Variants in RGS6 observed in about 807,000 individuals in gnomAD.
RGS6 encodes regulator of G protein signaling 6.
A neutral mutation model predicts 78.5 loss-of-function variants in RGS6; 30 were observed. That is an observed-to-expected ratio of 0.38 (90% CI 0.29 to 0.52). The LOEUF is 0.52. Ranked by LOEUF, RGS6 falls within the 20% of genes least tolerant of loss-of-function variation. RGS6 has a pLI of 0.85. For missense variants in RGS6, 495 were observed against 609.7 expected (o/e 0.81, Z 1.98); for synonymous variants, 206 against 206.0 (o/e 1.00, Z 0.00).
chr14:72,005,099 A>G (rs1051017440), intron 2 of RGS6, among the ~76,000 whole-genome samples: 2 of 152,238 alleles, frequency 1.3e-5, no homozygotes, highest in African/African-American at 4.8e-5. Context: ...AGAAGCACAA[A>G]TGGTCATTAA....
intron 2 of RGS6, among the ~76,000 whole-genome samples, chr14:72,335,017 TG>T (rs537942123): frequency 0.016 from 2,433 of 152,156 alleles, 26 homozygotes; most frequent in Non-Finnish European, 0.026. Flanking sequence ...AATTGAATCA[TG>T]GGGGGGCAGG....
rs781558610 is a variant in RGS6 at position 72,169,252 on chromosome 14, A to G, written c.85-182843A>G. Among the ~76,000 whole-genome samples, 7 of 152,320 alleles carry G rather than the reference A, an allele frequency of 4.6e-5. No individual in the cohort carries two copies. The South Asian group carries it at 1.2e-3, about 27-fold the overall frequency. ...GTGGAGTAATGATGTAGGCTCAGGA[A>G]TACGTTTTTTGATTCAAAGGGTATA... On this transcript the variant is annotated intron_variant, in intron 2 of 17. Transcript: ENST00000553525.
chr14:72,095,853 C>G (rs893267696), intron 2 of RGS6, among the ~76,000 whole-genome samples: 4 of 152,178 alleles, frequency 2.6e-5, no homozygotes, highest in African/African-American at 9.7e-5. Flanking sequence ...GGTGCATTGT[C>G]TACATTAATG....
chr14:72,004,198 GA>G (rs1442701722), intron 2 of RGS6, among the ~76,000 whole-genome samples: 5 of 152,174 alleles, frequency 3.3e-5, no homozygotes, highest in African/African-American at 9.6e-5. Flanking sequence ...ACTTTGGATT[GA>G]AAAAAAGTTG....
At chr14:72,107,015 T>C (rs908118226) in intron 2 of RGS6, among the ~76,000 whole-genome samples, 5 of 152,164 alleles carry the variant, frequency 3.3e-5, no homozygotes, top group Non-Finnish European at 7.4e-5. Context: ...TACTCAATAC[T>C]TAGATCGATT....
intron 2 of RGS6, among the ~76,000 whole-genome samples, chr14:72,189,184 G>T (rs748907143): frequency 4.6e-5 from 7 of 152,156 alleles, no homozygotes; most frequent in Non-Finnish European, 1.0e-4. Context: ...ACAATTGAGT[G>T]TGGCTGTGTT....
the RGS6 span, among the ~76,000 whole-genome samples, chr14:72,597,585 T>C: frequency 6.6e-6 from 1 of 152,220 alleles, no homozygotes; most frequent in Non-Finnish European, 1.5e-5. Flanking sequence ...ATCAGGCTCC[T>C]GACAGACGTT....
intron 3 of RGS6, among the ~76,000 whole-genome samples, chr14:72,371,051 A>T (rs1048486657): frequency 1.3e-5 from 2 of 152,218 alleles, no homozygotes; most frequent in Non-Finnish European, 2.9e-5. Flanking sequence ...TACTGATGGA[A>T]GGAAGGGTGT....
At chr14:72,502,285 G>A (rs962772375) in intron 13 of RGS6, among the ~76,000 whole-genome samples, 2 of 152,164 alleles carry the variant, frequency 1.3e-5, no homozygotes, top group Non-Finnish European at 2.9e-5. Flanking sequence ...GTTAGGTGAT[G>A]AGCCCTCCTG....
chr14:71,948,289 T>C (rs1595061460), intron 1 of RGS6, among the ~76,000 whole-genome samples: 1 of 152,248 alleles, frequency 6.6e-6, no homozygotes, highest in East Asian at 1.9e-4. Context: ...ATTAGTCACA[T>C]GTCTACGATG....
chr14:72,403,089 C>G, intron 3 of RGS6, among the ~76,000 whole-genome samples: 1 of 151,934 alleles, frequency 6.6e-6, no homozygotes, highest in East Asian at 1.9e-4. Context: ...CCATGCCCAG[C>G]CCCATTACTA....
At chr14:72,375,032 AAGATAAAGC>A (rs1466860317) in intron 3 of RGS6, among the ~76,000 whole-genome samples, 3 of 152,192 alleles carry the variant, frequency 2.0e-5, no homozygotes, top group African/African-American at 4.8e-5. Context: ...GATAAACTAG[AAGATAAAGC>A]AGATAAAAGT....
chr14:72,584,633 G>T, the RGS6 span, among the ~76,000 whole-genome samples: 1 of 152,166 alleles, frequency 6.6e-6, no homozygotes, highest in Non-Finnish European at 1.5e-5. Flanking sequence ...CTGACAGAGG[G>T]TGATCCTACA....
intron 13 of RGS6, among the ~76,000 whole-genome samples, chr14:72,501,177 C>G (rs892462866): frequency 5.9e-5 from 9 of 152,114 alleles, no homozygotes; most frequent in African/African-American, 2.2e-4. Flanking sequence ...AGGATGTCAC[C>G]GACAATGTCT....
At chr14:71,930,703 C>A (rs77453747), upstream of RGS6, among the ~76,000 whole-genome samples, 9,163 of 152,052 alleles carry the variant, frequency 0.06, 372 homozygotes, top group Non-Finnish European at 0.091. Context: ...AGAGTTCCCA[C>A]TGGGTGTGGT....
At chr14:72,610,737 G>T in the RGS6 span, among the ~76,000 whole-genome samples, 2 of 152,200 alleles carry the variant, frequency 1.3e-5, no homozygotes, top group East Asian at 3.8e-4. Flanking sequence ...AGCCTTCTCA[G>T]AGCTCAGCCA....
chr14:72,376,286 T>G (rs2084695978), intron 3 of RGS6, among the ~76,000 whole-genome samples: 1 of 152,108 alleles, frequency 6.6e-6, no homozygotes, highest in African/African-American at 2.4e-5. Flanking sequence ...ACAGGTATTT[T>G]GAAATAATAC....
chr14:72,457,914 T>G (rs2095673393), intron 4 of RGS6, among the ~76,000 whole-genome samples: 1 of 152,228 alleles, frequency 6.6e-6, no homozygotes, highest in Non-Finnish European at 1.5e-5. Flanking sequence ...ACGGAGTATT[T>G]GACCTGTACC....
At chr14:72,424,756 T>C (rs2094359979) in intron 3 of RGS6, among the ~76,000 whole-genome samples, 1 of 152,358 alleles carries the variant, frequency 6.6e-6, no homozygotes, top group African/African-American at 2.4e-5. Context: ...ATATGGATTT[T>C]ATTCATTGTA....
Sources: allele counts gnomAD v4.1 joint callset (sites outside exome capture counted in the v4.1 genomes callset), GRCh38; gene constraint gnomAD v4.1.1; transcripts MANE v1.5; gene names NCBI Gene and HGNC (gene_info 2026-07-23, HGNC 2026-07-21).